XRCC4: variants seen among roughly 807,000 people sequenced by gnomAD.
XRCC4 encodes X-ray repair cross complementing 4.
XRCC4 carries 28 observed loss-of-function variants against 39.1 expected under a neutral mutation model. The observed-to-expected ratio is 0.72, with a 90% CI of 0.53 to 0.98. The LOEUF (loss-of-function observed/expected upper bound fraction) is 0.98. XRCC4 is among the 50% of genes least tolerant of loss of function. XRCC4 has a pLI of 0.00. For synonymous variants in XRCC4, 123 were observed against 126.4 expected (o/e 0.97, Z 0.18); for missense variants, 350 against 376.4 (o/e 0.93, Z 0.58).
chr5:83,278,979 C>T (rs951946934), intron 7 of XRCC4, among the ~76,000 whole-genome samples: 12 of 133,580 alleles, frequency 9.0e-5, no homozygotes, highest in African/African-American at 2.3e-4. Context: ...CCAGCCTGGG[C>T]GGCAGAGCAA....
At chr5:83,239,721 C>T (rs1438082851) in intron 6 of XRCC4, among the ~76,000 whole-genome samples, 3 of 151,560 alleles carry the variant, frequency 2.0e-5, no homozygotes, top group Non-Finnish European at 4.4e-5. Flanking sequence ...CCCAGCTACT[C>T]GGGAGGCTGA....
chr5:83,217,839 G>C (rs1283782903), intron 6 of XRCC4, among the ~76,000 whole-genome samples: 1 of 152,106 alleles, frequency 6.6e-6, no homozygotes, highest in African/African-American at 2.4e-5. Context: ...TATAACACTT[G>C]TTCTGCCACC....
intron 6 of XRCC4, among the ~76,000 whole-genome samples, chr5:83,227,218 G>A (rs1055193712): frequency 6.6e-6 from 1 of 151,904 alleles, no homozygotes; most frequent in Non-Finnish European, 1.5e-5. Flanking sequence ...TCTCCACTCC[G>A]TTGTCAGATA....
chr5:83,180,247 A>C (rs777217141), intron 3 of XRCC4, among the ~76,000 whole-genome samples: 1 of 152,166 alleles, frequency 6.6e-6, no homozygotes, highest in Non-Finnish European at 1.5e-5. Flanking sequence ...GAAGCTTTGC[A>C]GGCAGAAATG....
chr5:83,282,340 A>G (rs957277342), intron 7 of XRCC4, among the ~76,000 whole-genome samples: 5 of 152,190 alleles, frequency 3.3e-5, no homozygotes, highest in Non-Finnish European at 5.9e-5. Flanking sequence ...AGCAATGTAA[A>G]TGTCCAACAT....
chr5:83,134,732 C>T lies in XRCC4; in HGVS notation c.315+23529C>T, dbSNP rs189093455. On this transcript the variant is annotated intron_variant, in intron 3 of 7. Transcript: ENST00000396027. ...GTGGAAGCTTTGTTCTTTCATTCTT[C>T]GCAATAAATCTTGCTGCTGCTCACT... 7.2e-5 allele frequency among the ~76,000 whole-genome samples: 11 copies of T among 152,284 alleles called. No homozygotes were observed. In the East Asian group the frequency reaches 1.2e-3, roughly 16 times the overall value.
chr5:83,142,263 A>G (rs1337400714), intron 3 of XRCC4, among the ~76,000 whole-genome samples: 1 of 151,290 alleles, frequency 6.6e-6, no homozygotes, highest in East Asian at 1.9e-4. Flanking sequence ...GATATTATCC[A>G]GTAGGTCCTG....
rs531736124 is a variant in XRCC4, at chr5:83,083,638, AGTGCTGGGATTACAGGCATGAAG to A, written c.-11+6045_-11+6067del. ...TGATCCACCCGCCTCAGCCTCCCAA[AGTGCTGGGATTACAGGCATGAAG>A]GTGCTGGGATTACAGGCATGAGCCA... On this transcript the variant is annotated intron_variant, in intron 1 of 7. Coordinates refer to ENST00000396027, the MANE Select transcript of XRCC4 (RefSeq NM_003401.5). Among the ~76,000 whole-genome samples, 731 of 152,148 alleles carry A rather than the reference AGTGCTGGGATTACAGGCATGAAG, an allele frequency of 4.8e-3. 4 individuals carry two copies. Among genetic ancestry groups the A allele is most frequent in the Non-Finnish European group, 8.0e-3 (541 of 67,976 alleles).
intron 6 of XRCC4, among the ~76,000 whole-genome samples, chr5:83,208,001 T>C (rs1213721847): frequency 3.3e-5 from 5 of 152,050 alleles, no homozygotes; most frequent in Admixed American, 3.3e-4. Context: ...ATTAATACAT[T>C]TATTCAGACT....
intron 3 of XRCC4, among the ~76,000 whole-genome samples, chr5:83,154,507 A>T (rs551576013): frequency 6.6e-6 from 1 of 152,322 alleles, no homozygotes; most frequent in Non-Finnish European, 1.5e-5. Context: ...AGCATTTCAG[A>T]TAAGGGATAT....
intron 7 of XRCC4, among the ~76,000 whole-genome samples, chr5:83,290,183 A>G (rs1414254362): frequency 6.6e-6 from 1 of 151,846 alleles, no homozygotes; most frequent in East Asian, 1.9e-4. Context: ...TTGGTATAAA[A>G]AAAGTAATTG....
At position 83,275,832 on chromosome 5, in the gene XRCC4, A is replaced by G. The variant is rs183262049; in HGVS notation, c.893+17155A>G. Among the ~76,000 whole-genome samples, 131 of 152,328 alleles carry G rather than the reference A, an allele frequency of 8.6e-4. No homozygotes were observed. In the Middle Eastern group the frequency reaches 0.01, roughly 12 times the overall value. The stretch of plus-strand genomic sequence containing the variant: ...CACAGCAAATGCAATGAAAGTAAAG[A>G]AAGGGATTATTGTAGTGTCAGATTT... On this transcript the variant is annotated intron_variant, in intron 7 of 7. Transcript: ENST00000396027.
chr5:83,126,505 T>C (rs1043174413), intron 3 of XRCC4, among the ~76,000 whole-genome samples: 1 of 152,186 alleles, frequency 6.6e-6, no homozygotes, highest in Non-Finnish European at 1.5e-5. Context: ...TTAAAGGCTG[T>C]TGCAGAGAGC....
intron 3 of XRCC4, among the ~76,000 whole-genome samples, chr5:83,187,657 T>C (rs1345744947): frequency 2.0e-5 from 3 of 152,086 alleles, no homozygotes; most frequent in African/African-American, 7.2e-5. Flanking sequence ...CAAGAGAGAA[T>C]AGGATGTCAT....
At chr5:83,346,514 T>C (rs1290326737) in intron 7 of XRCC4, among the ~76,000 whole-genome samples, 1 of 152,184 alleles carries the variant, frequency 6.6e-6, no homozygotes, top group Non-Finnish European at 1.5e-5. Context: ...AATTATGTCA[T>C]TTAGGTGTTA....
At chr5:83,206,267 C>T (rs1241158441) in intron 6 of XRCC4, among the ~76,000 whole-genome samples, 2 of 152,030 alleles carry the variant, frequency 1.3e-5, no homozygotes, top group South Asian at 2.1e-4. Context: ...TACAACAATT[C>T]GGTGAAGGAT....
chr5:83,264,128 T>G (rs1753869326), intron 7 of XRCC4, among the ~76,000 whole-genome samples: 1 of 152,200 alleles, frequency 6.6e-6, no homozygotes, highest in South Asian at 2.1e-4. Flanking sequence ...AAAAGCTCAA[T>G]TCTTTATTTT....
chr5:83,239,405 C>A (rs896741319), intron 6 of XRCC4, among the ~76,000 whole-genome samples: 6 of 152,144 alleles, frequency 3.9e-5, no homozygotes, highest in African/African-American at 9.7e-5. Flanking sequence ...AATGACTCTC[C>A]GTCTGTGATT....
intron 7 of XRCC4, among the ~76,000 whole-genome samples, chr5:83,284,052 CAAAAAAAAAAA>C (rs766161565): frequency 0.015 from 237 of 16,106 alleles, 7 homozygotes; most frequent in East Asian, 0.026. Flanking sequence ...CAACCCAGAG[CAAAAAAAAAAA>C]AAAAAAAAAA....
Sources: allele counts gnomAD v4.1 joint callset (sites outside exome capture counted in the v4.1 genomes callset), GRCh38; gene constraint gnomAD v4.1.1; transcripts MANE v1.5; gene names NCBI Gene and HGNC (gene_info 2026-07-23, HGNC 2026-07-21).